Variants in ALMS1 observed in about 807,000 individuals in gnomAD.
ALMS1 encodes ALMS1 centrosome and basal body associated protein, also known as centrosome-associated protein ALMS1.
In ALMS1, 271 loss-of-function variants were observed where a neutral mutation model predicts 352.2. The ratio of observed to expected loss-of-function variants is 0.77; its 90% CI spans 0.70 to 0.85. The LOEUF is 0.85. ALMS1 is among the 40% of genes least tolerant of loss of function. The pLI is 0.00. For missense variants in ALMS1, 5,445 were observed against 4,870.7 expected (o/e 1.12, Z -3.51); for synonymous variants, 1,865 against 1,761.2 (o/e 1.06, Z -1.48).
In ALMS1 at chr2:73,452,670, A is replaced by T; in HGVS notation, c.6143A>T (p.Tyr2048Phe). 6.2e-7 allele frequency: 1 copy of T among 1,613,958 alleles called. No homozygotes were observed. The highest frequency in any genetic ancestry group is 8.5e-7 in the Non-Finnish European group (1 of 1,179,986). Reference protein sequence around the residue: ...TPSQTAFHSSYSQTVKPNILF... With the variant: ...TPSQTAFHSSFSQTVKPNILF... ...TCCCAGACAGCTTTTCATAGTTCCT[A>T]TTCTCAAACAGTAAAGCCCAATATT... The change falls in exon 8 of 23, where the codon TAT becomes TTT. Residue 2048 changes from tyrosine to phenylalanine, a missense_variant. Tyr to Phe is a conservative substitution (Grantham distance 22, BLOSUM62 3). Transcript: ENST00000613296.
intron 7 of ALMS1, among the ~76,000 whole-genome samples, chr2:73,441,024 C>T (rs989323159): frequency 1.3e-5 from 2 of 152,156 alleles, no homozygotes; most frequent in Admixed American, 6.5e-5. Flanking sequence ...AATGGTCTTC[C>T]TCAAGGCCTG....
intron 1 of ALMS1, among the ~76,000 whole-genome samples, chr2:73,400,750 C>T (rs1054465681): frequency 6.6e-6 from 1 of 151,992 alleles, no homozygotes; most frequent in African/African-American, 2.4e-5. Context: ...CTTTATTATC[C>T]TTTTAATGTC....
Position 73,449,348 on chromosome 2 carries a change from G to A in ALMS1, c.2821G>A (p.Ala941Thr). 1 of 1,614,056 alleles carries A rather than the reference G, an allele frequency of 6.2e-7. No individual in the cohort carries two copies. Among genetic ancestry groups the A allele is most frequent in the Non-Finnish European group, 8.5e-7 (1 of 1,179,984 alleles). ...ALKVSAVSVL[A>T]AQKTGTPTVS... is the part of the protein sequence containing the mutation. Reference sequence around the variant, plus strand: ...GAAGGTTTCAGCTGTTTCTGTATTGGCTGCCCAGAAGACTGGGACACCAAC... The same window carrying A: ...GAAGGTTTCAGCTGTTTCTGTATTGACTGCCCAGAAGACTGGGACACCAAC... Residue 941 changes from alanine to threonine, a missense_variant, in exon 8 of 23, where the codon GCT (alanine) becomes ACT (threonine). Ala to Thr is a moderately conservative substitution (Grantham distance 58). Coordinates refer to ENST00000613296, the MANE Select transcript of ALMS1 (RefSeq NM_001378454.1).
chr2:73,568,425 G>A (rs1471124618), intron 15 of ALMS1, among the ~76,000 whole-genome samples: 3 of 152,054 alleles, frequency 2.0e-5, no homozygotes, highest in Non-Finnish European at 4.4e-5. Context: ...ACACATAAAC[G>A]CACAAACAAA....
chr2:73,489,513 GA>G, intron 9 of ALMS1, 120 bp from the exon 10 acceptor site: 1 of 1,143,826 alleles, frequency 8.7e-7, no homozygotes, highest in Non-Finnish European at 1.3e-6. Flanking sequence ...TATTATAAAA[GA>G]ATGACATGAC....
intron 12 of ALMS1, among the ~76,000 whole-genome samples, chr2:73,538,309 T>C (rs1300869957): frequency 1.3e-5 from 2 of 152,140 alleles, no homozygotes; most frequent in Non-Finnish European, 2.9e-5. Flanking sequence ...AAATCTTCTC[T>C]ATATCATTAA....
At chr2:73,403,309 C>T (rs1227352994) in intron 1 of ALMS1, among the ~76,000 whole-genome samples, 1 of 152,132 alleles carries the variant, frequency 6.6e-6, no homozygotes, top group African/African-American at 2.4e-5. Flanking sequence ...ATTGTGTCTT[C>T]TTGGTGCCCT....
upstream of ALMS1, chr2:73,385,825 C>T (rs1309073554): frequency 5.8e-6 from 4 of 685,190 alleles, no homozygotes; most frequent in African/African-American, 1.8e-5. Flanking sequence ...CCCCTCCCTC[C>T]CCCCCTCCTC....
chr2:73,386,299 C>T (rs1670529456), intron 1 of ALMS1, 107 bp downstream of exon 1: 3 of 1,391,388 alleles, frequency 2.2e-6, no homozygotes, highest in Non-Finnish European at 2.8e-6. Flanking sequence ...GGAGAAAACG[C>T]GCGCAGCTGA....
At chr2:73,541,178 G>C (rs964810819) in intron 12 of ALMS1, among the ~76,000 whole-genome samples, 7 of 152,200 alleles carry the variant, frequency 4.6e-5, no homozygotes. Flanking sequence ...CTGTCTCTCA[G>C]ACCACAGTGC....
At chr2:73,393,884 A>G (rs1280665407) in intron 1 of ALMS1, among the ~76,000 whole-genome samples, 1 of 150,460 alleles carries the variant, frequency 6.6e-6, no homozygotes, top group East Asian at 2.0e-4. Context: ...GCAGTGGTGC[A>G]ATCTCGGCTC....
intron 11 of ALMS1, among the ~76,000 whole-genome samples, chr2:73,533,293 C>G (rs538098483): frequency 1.3e-5 from 2 of 152,182 alleles, no homozygotes; most frequent in Non-Finnish European, 2.9e-5. Context: ...CAAGACTTTC[C>G]TGGGAATTGT....
chr2:73,608,398 T>A (rs1675865938), intron 21 of ALMS1, 77 bp from the exon 22 acceptor site: 2 of 1,137,976 alleles, frequency 1.8e-6, no homozygotes, highest in Admixed American at 1.7e-5. Context: ...TAGGGAGGGA[T>A]GATGAGAGGA....
intron 12 of ALMS1, among the ~76,000 whole-genome samples, chr2:73,545,230 G>C (rs1055636770): frequency 6.6e-6 from 1 of 150,808 alleles, no homozygotes; most frequent in Non-Finnish European, 1.5e-5. Context: ...ACCCAGGCTG[G>C]AGTACAGTGG....
chr2:73,481,291 A>G (rs1410160764), intron 9 of ALMS1, among the ~76,000 whole-genome samples: 1 of 152,216 alleles, frequency 6.6e-6, no homozygotes, highest in Non-Finnish European at 1.5e-5. Context: ...AGCTTTCTAC[A>G]TATGGCTAGC....
In ALMS1 at chr2:73,573,249, T is replaced by C. The variant is rs1410926875; in HGVS notation, c.11372T>C (p.Ile3791Thr). 1.2e-6 allele frequency: 2 copies of C among 1,613,832 alleles called. No individual in the cohort carries two copies. The highest frequency in any genetic ancestry group is 2.2e-5 in the South Asian group (2 of 91,076). Residue 3791 changes from isoleucine to threonine, a missense_variant, in exon 16 of 23, where the codon ATT becomes ACT. Transcript: ENST00000613296. ...TCCACTATTGACACTGCCCGGCTGA[T>C]TCAAGCTTTTGGCCATGAAAGAGTA... Reference protein sequence around the residue: ...SVSTIDTARLIQAFGHERVCL... With the variant: ...SVSTIDTARLTQAFGHERVCL...
chr2:73,581,001 A>G (rs140901577), intron 16 of ALMS1, among the ~76,000 whole-genome samples: 4 of 152,278 alleles, frequency 2.6e-5, no homozygotes, highest in East Asian at 3.9e-4. Flanking sequence ...CTTGCTTCCT[A>G]CTTGTACTGA....
At chr2:73,528,339 T>G (rs1216820924) in intron 11 of ALMS1, among the ~76,000 whole-genome samples, 3 of 152,198 alleles carry the variant, frequency 2.0e-5, no homozygotes, top group Non-Finnish European at 4.4e-5. Flanking sequence ...TTTACAGCTG[T>G]TATTGTATTA....
At chr2:73,519,752 T>C in intron 10 of ALMS1, 23 bp from the exon 11 acceptor site, 2 of 1,613,812 alleles carry the variant, frequency 1.2e-6, no homozygotes, top group Non-Finnish European at 8.5e-7. Flanking sequence ...TAATCTGCTG[T>C]ATTCTTTCTC....
Sources: gnomAD v4.1 joint callset for allele counts (sites outside exome capture counted in the v4.1 genomes callset) on GRCh38, gnomAD v4.1.1 for gene constraint, MANE v1.5 for transcripts, NCBI Gene and HGNC (gene_info 2026-07-23, HGNC 2026-07-21) for gene names.